Variants in DISC1 observed in about 807,000 individuals in gnomAD.
The protein encoded by DISC1 is DISC1 scaffold protein.
A neutral mutation model predicts 84.5 loss-of-function variants in DISC1; 57 were observed. That is an observed-to-expected ratio of 0.67 (90% confidence interval 0.55 to 0.84). The LOEUF (loss-of-function observed/expected upper bound fraction) is 0.84, where lower values mean the gene tolerates loss of function less well. Among genes scored for constraint, DISC1 ranks in the 40% least tolerant of loss-of-function variants. The pLI is 0.00. For synonymous variants in DISC1, 411 were observed against 415.2 expected (o/e 0.99, Z 0.12); for missense variants, 1,000 against 1,057.8 (o/e 0.95, Z 0.76).
intron 3 of DISC1, chr1:231,722,498 G>C: frequency 6.2e-7 from 1 of 1,613,754 alleles, no homozygotes; most frequent in Non-Finnish European, 8.5e-7. Context: ...ATGTTATTCT[G>C]TGTCCATTCC....
At chr1:231,728,342 A>G (rs982733871) in intron 3 of DISC1, among the ~76,000 whole-genome samples, 3 of 152,202 alleles carry the variant, frequency 2.0e-5, no homozygotes, top group Admixed American at 6.5e-5. Context: ...TGCCTTTTAC[A>G]GCACACAGTG....
In DISC1 at chr1:232,031,805, ATAG is replaced by A. The variant is rs1272187439; in HGVS notation, c.2426-4885_2426-4883del. On this transcript the variant is annotated intron_variant, in intron 12 of 12. Coordinates refer to ENST00000439617, the MANE Select transcript of DISC1 (RefSeq NM_018662.3). The surrounding 1 kb of genome is among the most constrained non-coding windows in gnomAD (Gnocchi z 4.6). The stretch of plus-strand genomic sequence containing the variant: ...CAAATCCTTTGAATCAATCTTGGGT[ATAG>A]TCAAGGTTTTCCTCTTTGCTCTTGA... 6.6e-6 allele frequency among the ~76,000 whole-genome samples: 1 copy of A among 152,174 alleles called. No individual in the cohort carries two copies. Among genetic ancestry groups the A allele is most frequent in the East Asian group, 1.9e-4 (1 of 5,182 alleles).
At chr1:231,822,532 C>T (rs16855096) in intron 9 of DISC1, among the ~76,000 whole-genome samples, 10,812 of 152,130 alleles carry the variant, frequency 0.071, 649 homozygotes, top group East Asian at 0.35. Context: ...GGGATTAGGA[C>T]CTTTTGCTTT....
intron 3 of DISC1, among the ~76,000 whole-genome samples, chr1:231,726,676 T>C (rs1341593619): frequency 6.6e-6 from 1 of 152,214 alleles, no homozygotes; most frequent in East Asian, 1.9e-4. Context: ...TTCTTATAAA[T>C]TGATAGTATC....
intron 8 of DISC1, among the ~76,000 whole-genome samples, chr1:231,816,670 C>G (rs1426767959): frequency 1.3e-5 from 2 of 152,148 alleles, no homozygotes; most frequent in Non-Finnish European, 2.9e-5. Context: ...AAAATACTTT[C>G]TTTTCCTCAT....
At chr1:231,748,604 A>G (rs1049236792) in intron 3 of DISC1, among the ~76,000 whole-genome samples, 1 of 152,098 alleles carries the variant, frequency 6.6e-6, no homozygotes, top group Non-Finnish European at 1.5e-5. Flanking sequence ...TGATCATGGT[A>G]TATTATCTTT....
intron 1 of DISC1, among the ~76,000 whole-genome samples, chr1:231,693,033 C>T (rs2065232342): frequency 6.6e-6 from 1 of 152,190 alleles, no homozygotes; most frequent in African/African-American, 2.4e-5. Context: ...ATGCTCACAA[C>T]CACCTTATGA....
chr1:231,746,449 C>A (rs2073990861), intron 3 of DISC1, among the ~76,000 whole-genome samples: 1 of 150,364 alleles, frequency 6.7e-6, no homozygotes, highest in African/African-American at 2.5e-5. Flanking sequence ...GATTTCCTTT[C>A]TTTTGGATAA....
At chr1:231,652,858 C>T (rs1188370395) in intron 1 of DISC1, among the ~76,000 whole-genome samples, 3 of 152,198 alleles carry the variant, frequency 2.0e-5, no homozygotes, top group African/African-American at 7.2e-5. Context: ...TGGCTCACTG[C>T]AACCTCCACC....
chr1:231,862,515 C>A (rs2084746256), intron 9 of DISC1, among the ~76,000 whole-genome samples: 1 of 152,184 alleles, frequency 6.6e-6, no homozygotes, highest in Non-Finnish European at 1.5e-5. Context: ...GACACCATTT[C>A]TGTCTTAAAA....
At chr1:231,660,495 GA>G (rs1453642700) in intron 1 of DISC1, among the ~76,000 whole-genome samples, 1 of 152,008 alleles carries the variant, frequency 6.6e-6, no homozygotes, top group Non-Finnish European at 1.5e-5. Context: ...TATTTTTTGA[GA>G]TGGAATTTCA....
chr1:231,952,663 T>G (rs944016652), intron 9 of DISC1, among the ~76,000 whole-genome samples: 9 of 147,850 alleles, frequency 6.1e-5, no homozygotes, highest in African/African-American at 2.2e-4. Context: ...GAAATCACCT[T>G]GGCCTATTGT....
At chr1:231,641,618 A>G (rs1292388576) in intron 1 of DISC1, among the ~76,000 whole-genome samples, 2 of 152,088 alleles carry the variant, frequency 1.3e-5, no homozygotes, top group Non-Finnish European at 2.9e-5. Flanking sequence ...GCCTGCTTTT[A>G]TTCTCTTATC....
intron 9 of DISC1, among the ~76,000 whole-genome samples, chr1:231,870,262 G>A (rs2085361539): frequency 6.6e-6 from 1 of 152,158 alleles, no homozygotes; most frequent in South Asian, 2.1e-4. Context: ...GGTAAGATAA[G>A]GGCCAGTGTG....
intron 1 of DISC1, among the ~76,000 whole-genome samples, chr1:231,671,929 A>G (rs549807562): frequency 6.6e-6 from 1 of 152,346 alleles, no homozygotes; most frequent in East Asian, 1.9e-4. Flanking sequence ...TGAAGTGATC[A>G]TAAGATGCAT....
At chr1:231,651,861 G>A (rs914103119) in intron 1 of DISC1, among the ~76,000 whole-genome samples, 2 of 152,254 alleles carry the variant, frequency 1.3e-5, no homozygotes, top group African/African-American at 2.4e-5. Flanking sequence ...AGCTAGCAGT[G>A]AGCAAGGCTC....
intron 10 of DISC1, among the ~76,000 whole-genome samples, chr1:231,982,940 G>A (rs765163006): frequency 5.3e-5 from 8 of 152,158 alleles, no homozygotes; most frequent in Non-Finnish European, 7.3e-5. Flanking sequence ...AATTTTAACA[G>A]AGAACTGGAG....
chr1:231,844,160 A>G (rs2083281794), intron 9 of DISC1, among the ~76,000 whole-genome samples: 1 of 152,200 alleles, frequency 6.6e-6, no homozygotes, highest in African/African-American at 2.4e-5. Context: ...GGGACACACT[A>G]ACTCTTTGGA....
intron 1 of DISC1, among the ~76,000 whole-genome samples, chr1:231,644,103 A>T (rs893678086): frequency 2.6e-5 from 4 of 152,194 alleles, no homozygotes; most frequent in African/African-American, 4.8e-5. Flanking sequence ...GGCATGCTTT[A>T]TCTGGCTCCA....
Sources: allele counts gnomAD v4.1 joint callset (sites outside exome capture counted in the v4.1 genomes callset), GRCh38; gene constraint gnomAD v4.1.1; non-coding constraint Gnocchi (gnomAD v3.1); transcripts MANE v1.5; gene names NCBI Gene and HGNC (gene_info 2026-07-23, HGNC 2026-07-21).